The following NUCKS1 variants were observed in gnomAD, a reference collection of about 807,000 sequenced individuals.
NUCKS1 encodes nuclear casein kinase and cyclin dependent kinase substrate 1.
NUCKS1 carries 2 observed loss-of-function variants against 33.0 expected under a neutral mutation model. The ratio of observed to expected loss-of-function variants is 0.06; its 90% CI spans 0.02 to 0.19. The LOEUF is 0.19. Ranked by LOEUF, NUCKS1 falls within the 10% of genes least tolerant of loss-of-function variation. NUCKS1 has a pLI of 1.00. For synonymous variants in NUCKS1, 106 were observed against 102.8 expected, an observed-to-expected ratio of 1.03 and a Z score of -0.19; for missense variants, 201 against 293.6, an observed-to-expected ratio of 0.68 and a Z score of 2.31.
chr1:205,725,251 C>T (rs1653724601), intron 3 of NUCKS1, among the ~76,000 whole-genome samples: 1 of 152,166 alleles, frequency 6.6e-6, no homozygotes, highest in African/African-American at 2.4e-5. Flanking sequence ...TTCAATGCTA[C>T]AATTTTACGA....
chr1:205,718,808 T>C (rs1173903094), intron 6 of NUCKS1, among the ~76,000 whole-genome samples: 2 of 152,192 alleles, frequency 1.3e-5, no homozygotes, highest in Admixed American at 6.5e-5. Context: ...CTAACAGTTG[T>C]TTATGATAAA....
intron 5 of NUCKS1, 100 bp downstream of exon 5, chr1:205,720,401 T>A (rs1319316452): frequency 8.5e-7 from 1 of 1,175,290 alleles, no homozygotes; most frequent in Non-Finnish European, 1.2e-6. Flanking sequence ...TTTAAGGGAC[T>A]GGTTGTAACA....
chr1:205,727,048 T>A (rs1653798510), intron 3 of NUCKS1, among the ~76,000 whole-genome samples: 1 of 152,086 alleles, frequency 6.6e-6, no homozygotes, highest in Admixed American at 6.6e-5. Flanking sequence ...ACTGCAGCCT[T>A]GAACTCCTGG....
intron 1 of NUCKS1, among the ~76,000 whole-genome samples, chr1:205,734,904 AT>A (rs1208961556): frequency 6.6e-6 from 1 of 152,186 alleles, no homozygotes; most frequent in Non-Finnish European, 1.5e-5. Context: ...CAAAAAAAAA[AT>A]AAAAAAGTTT....
intron 1 of NUCKS1, 89 bp from the exon 2 acceptor site, chr1:205,729,710 A>G (rs1435052795): frequency 1.1e-5 from 11 of 980,356 alleles, no homozygotes; most frequent in Non-Finnish European, 1.6e-5. Flanking sequence ...CATAAACAGA[A>G]CTGAACTAGC....
chr1:205,742,092 G>A (rs1393891624), intron 1 of NUCKS1, among the ~76,000 whole-genome samples: 1 of 152,226 alleles, frequency 6.6e-6, no homozygotes, highest in Non-Finnish European at 1.5e-5. Flanking sequence ...TTATCCCAGT[G>A]TAAGAGATAG....
At chr1:205,718,623 C>A in intron 6 of NUCKS1, 144 bp from the exon 7 acceptor site, 2 of 1,077,716 alleles carry the variant, frequency 1.9e-6, no homozygotes, top group African/African-American at 1.6e-5. Flanking sequence ...CACAAGGGAG[C>A]ACATATATCC....
intron 1 of NUCKS1, among the ~76,000 whole-genome samples, chr1:205,745,908 CATTTTAAACATTTAAAATGAAA>C (rs1210299690): frequency 3.3e-5 from 5 of 152,242 alleles, no homozygotes; most frequent in African/African-American, 7.2e-5. Flanking sequence ...AAAATGAAAA[CATTTTAAACATTTAAAATGAAA>C]ATTTTAAACA....
rs980723427 is a variant in NUCKS1 at position 205,717,721 on chromosome 1, A to G, written c.*559T>C. 18 of 985,244 alleles carry G rather than the reference A, an allele frequency of 1.8e-5. No homozygotes were observed. The African/African-American group carries it at 3.0e-4, about 16-fold the overall frequency. 61.0% of individuals were successfully genotyped at this position (985,244 alleles called of 1,614,324 possible). On this transcript the variant is annotated 3_prime_UTR_variant, in exon 7 of 7. Coordinates refer to ENST00000367142, the MANE Select transcript of NUCKS1 (RefSeq NM_022731.5). ...CTACCTGCCTCATCGGTGGAAGTTT[A>G]AAGTCATGATTTTTTTTAGACATTG...
At chr1:205,724,542 A>G (rs1653669791) in intron 3 of NUCKS1, among the ~76,000 whole-genome samples, 1 of 151,966 alleles carries the variant, frequency 6.6e-6, no homozygotes, top group Non-Finnish European at 1.5e-5. Context: ...AAAAATACAA[A>G]TATTAGCCAG....
intron 1 of NUCKS1, among the ~76,000 whole-genome samples, chr1:205,743,449 A>T (rs1654232289): frequency 6.6e-6 from 1 of 152,228 alleles, no homozygotes; most frequent in Admixed American, 6.5e-5. Flanking sequence ...TAATCGACTT[A>T]AAACACTAAA....
intron 5 of NUCKS1, 93 bp downstream of exon 5, chr1:205,720,407 TA>T: frequency 7.7e-7 from 1 of 1,296,376 alleles, no homozygotes; most frequent in Non-Finnish European, 1.1e-6. Context: ...GGACTGGTTG[TA>T]ACATTTAGCA....
intron 1 of NUCKS1, among the ~76,000 whole-genome samples, chr1:205,731,877 A>AGG (rs2102438894): frequency 6.6e-6 from 1 of 151,576 alleles, no homozygotes; most frequent in East Asian, 2.0e-4. Context: ...GCCTGGGCGA[A>AGG]AGAGAGAGAC....
At chr1:205,743,229 C>G (rs373434674) in intron 1 of NUCKS1, among the ~76,000 whole-genome samples, 90 of 152,298 alleles carry the variant, frequency 5.9e-4, no homozygotes, top group African/African-American at 2.1e-3. Flanking sequence ...AATTAGCTTT[C>G]TTTCTTAACT....
intron 1 of NUCKS1, among the ~76,000 whole-genome samples, chr1:205,741,297 CAAAAAAA>C (rs56979923): frequency 8.9e-5 from 7 of 78,920 alleles, no homozygotes; most frequent in Admixed American, 4.7e-4. Flanking sequence ...GAGACTGTCT[CAAAAAAA>C]AAAAAAAAAA....
intron 1 of NUCKS1, among the ~76,000 whole-genome samples, chr1:205,744,306 T>TC (rs1654257120): frequency 6.6e-6 from 1 of 152,218 alleles, no homozygotes; most frequent in Non-Finnish European, 1.5e-5. Flanking sequence ...TAGTTACTTT[T>TC]TTTATCCTAA....
intron 2 of NUCKS1, among the ~76,000 whole-genome samples, chr1:205,728,064 T>C (rs1653821156): frequency 6.6e-6 from 1 of 152,190 alleles, no homozygotes; most frequent in Non-Finnish European, 1.5e-5. Context: ...CATCATTTTA[T>C]ACCCTCCCCT....
intron 1 of NUCKS1, among the ~76,000 whole-genome samples, chr1:205,733,655 C>A (rs191502327): frequency 1.5e-3 from 226 of 151,868 alleles, no homozygotes; most frequent in Admixed American, 3.5e-3. Context: ...TAATAAATAA[C>A]ATAAATGGCA....
At chr1:205,718,770 T>C (rs935251142) in intron 6 of NUCKS1, among the ~76,000 whole-genome samples, 11 of 152,178 alleles carry the variant, frequency 7.2e-5, no homozygotes, top group African/African-American at 2.7e-4. Flanking sequence ...CTATAGAATA[T>C]GCACAACATC....
Sources: gnomAD v4.1 joint callset for allele counts (sites outside exome capture counted in the v4.1 genomes callset) on GRCh38, gnomAD v4.1.1 for gene constraint, MANE v1.5 for transcripts, NCBI Gene and HGNC (gene_info 2026-07-23, HGNC 2026-07-21) for gene names.